KIRREL3: variants seen among roughly 807,000 people sequenced by gnomAD.
KIRREL3 encodes kin of IRRE-like protein 3.
A neutral mutation model predicts 89.7 loss-of-function variants in KIRREL3; 36 were observed. The observed-to-expected ratio is 0.40, with a 90% CI of 0.31 to 0.53. KIRREL3 has a LOEUF of 0.53. Ranked by LOEUF, KIRREL3 falls within the 20% of genes least tolerant of loss-of-function variation. The pLI is 0.49. For missense variants in KIRREL3, 864 were observed against 1,056.6 expected (o/e 0.82, Z 2.53); for synonymous variants, 445 against 441.4 (o/e 1.01, Z -0.10).
intron 1 of KIRREL3, among the ~76,000 whole-genome samples, chr11:126,880,097 T>C (rs1945440728): frequency 6.6e-6 from 1 of 152,202 alleles, no homozygotes; most frequent in Admixed American, 6.5e-5. Flanking sequence ...GATTAGCCAA[T>C]ACAGATGTGC....
chr11:126,775,413 T>C (rs1950142887), intron 1 of KIRREL3, among the ~76,000 whole-genome samples: 1 of 152,170 alleles, frequency 6.6e-6, no homozygotes, highest in African/African-American at 2.4e-5. Flanking sequence ...GGCTGGTAAC[T>C]CCTTGAAGGG....
intron 7 of KIRREL3, among the ~76,000 whole-genome samples, chr11:126,450,932 TGTGTGTGGGCGTGTGTGC>T (rs1565463109): frequency 6.7e-6 from 1 of 150,014 alleles, no homozygotes. Flanking sequence ...CATGTGTGCA[TGTGTGTGGGCGTGTGTGC>T]ATGTGTGAGC....
At chr11:126,499,167 A>AAT (rs57562072) in intron 4 of KIRREL3, among the ~76,000 whole-genome samples, 51 of 150,452 alleles carry the variant, frequency 3.4e-4, no homozygotes, top group Non-Finnish European at 6.8e-4. Flanking sequence ...AAAAAAAAAA[A>AAT]GCTGTGCGTT....
chr11:126,937,244 C>T (rs1948226881), intron 1 of KIRREL3: 3 of 152,202 alleles, frequency 2.0e-5, no homozygotes, highest in Admixed American at 2.0e-4. Context: ...CTTCCAAATG[C>T]CTCCCATTTA....
rs539516612 is a variant in KIRREL3 at position 126,986,156 on chromosome 11, C to T, written c.55+14299G>A. Among the ~76,000 whole-genome samples, 5 of 152,178 alleles carry T rather than the reference C, an allele frequency of 3.3e-5. No individual in the cohort carries two copies. The South Asian group carries it at 1.0e-3, about 32-fold the overall frequency. On this transcript the variant is annotated intron_variant, in intron 1 of 16. Transcript: ENST00000525144. ...CTTTAAATCTGTGGCTGGCTCCCCC[C>T]AAGCCCCTCTTGGTTGCTGGGTTCA... is the stretch of plus-strand genomic sequence containing the variant.
chr11:126,481,893 A>G (rs1202181969), intron 4 of KIRREL3, among the ~76,000 whole-genome samples: 1 of 152,170 alleles, frequency 6.6e-6, no homozygotes, highest in Non-Finnish European at 1.5e-5. Context: ...CCTCATTGCC[A>G]TCTAAATAGT....
intron 9 of KIRREL3, among the ~76,000 whole-genome samples, chr11:126,446,300 TTCTC>T (rs1252243152): frequency 1.3e-5 from 2 of 148,680 alleles, no homozygotes; most frequent in East Asian, 2.2e-4. Context: ...CTTTCTTTCT[TTCTC>T]TCTCTCTCTT....
intron 1 of KIRREL3, among the ~76,000 whole-genome samples, chr11:126,631,042 T>C (rs573628581): frequency 1.3e-5 from 2 of 152,312 alleles, no homozygotes; most frequent in East Asian, 1.9e-4. Flanking sequence ...GAAACCAATC[T>C]TTCTTCTCAT....
In KIRREL3 at chr11:126,520,552, G is replaced by A. The variant is rs1390405292; in HGVS notation, c.433+763C>T. 1.3e-5 allele frequency among the ~76,000 whole-genome samples: 2 copies of A among 152,182 alleles called. No homozygotes were observed. Among genetic ancestry groups the A allele is most frequent in the South Asian group, 2.1e-4 (1 of 4,828 alleles). On this transcript the variant is annotated intron_variant, in intron 4 of 16. Coordinates refer to ENST00000525144, the MANE Select transcript of KIRREL3 (RefSeq NM_032531.4). The surrounding 1 kb of genome is among the most constrained non-coding windows in gnomAD (Gnocchi z 4.9). ...TCTCATGACTTATGTGCAAGGCCTG[G>A]TTCTCAGCAGCCTTGATCCTCGGTA...
Position 126,485,169 on chromosome 11 carries a change from T to C in KIRREL3, c.434-11703A>G, listed in dbSNP as rs941545956. ...GCATCCGATATATTTGGCAGCACAA[T>C]CGCACAGACGTGTCTCCAAGGAGGT... is the stretch of plus-strand genomic sequence containing the variant. On this transcript the variant is annotated intron_variant, in intron 4 of 16. Coordinates refer to ENST00000525144, the MANE Select transcript of KIRREL3 (RefSeq NM_032531.4). The surrounding 1 kb of genome is among the most constrained non-coding windows in gnomAD (Gnocchi z 5.8). 1.3e-5 allele frequency among the ~76,000 whole-genome samples: 2 copies of C among 152,118 alleles called. No individual in the cohort carries two copies. Among genetic ancestry groups the C allele is most frequent in the East Asian group, 3.9e-4 (2 of 5,180 alleles).
intron 1 of KIRREL3, among the ~76,000 whole-genome samples, chr11:126,921,580 TTCTATCTATCTATCTATCTATCTA>T (rs201891981): frequency 3.1e-5 from 1 of 32,490 alleles, no homozygotes; most frequent in Non-Finnish European, 6.1e-5. Flanking sequence ...TATATCTGTC[TTCTATCTATCTATCTATCTATCTA>T]TCTATCTATC....
chr11:126,729,796 C>T lies in KIRREL3; in HGVS notation c.56-166884G>A, dbSNP rs559859789. On this transcript the variant is annotated intron_variant, in intron 1 of 16. Coordinates refer to ENST00000525144, the MANE Select transcript of KIRREL3 (RefSeq NM_032531.4). The surrounding 1 kb of genome is among the most constrained non-coding windows in gnomAD (Gnocchi z 4.5). Reference sequence around the variant, plus strand: ...GTCCAGAAGCACAATGGAGGGAGCCCCTGATCATAATCACTAAGAGCACAC... The same window carrying T: ...GTCCAGAAGCACAATGGAGGGAGCCTCTGATCATAATCACTAAGAGCACAC... Among the ~76,000 whole-genome samples the T allele has an allele frequency of 3.3e-5, 5 of 152,240 alleles. No homozygotes were observed. The highest frequency in any genetic ancestry group is 1.2e-4 in the African/African-American group (5 of 41,518).
chr11:126,503,674 A>C (rs1229268715), intron 4 of KIRREL3, among the ~76,000 whole-genome samples: 1 of 152,066 alleles, frequency 6.6e-6, no homozygotes, highest in Non-Finnish European at 1.5e-5. Flanking sequence ...TGTGGGAGGT[A>C]ATTAGGGTTA....
intron 1 of KIRREL3, among the ~76,000 whole-genome samples, chr11:126,865,086 C>A (rs552002778): frequency 6.6e-6 from 1 of 152,180 alleles, no homozygotes. Flanking sequence ...GGAATCAAGG[C>A]GCCTCCAGCT....
rs1427807090 is a variant in KIRREL3 at position 126,474,203 on chromosome 11, G to T, written c.434-737C>A. On this transcript the variant is annotated intron_variant, in intron 4 of 16. Transcript: ENST00000525144. The surrounding 1 kb of genome is among the most constrained non-coding windows in gnomAD (Gnocchi z 6.7). ...ACCTCAGGTAATCCACCCGCCTCAGGCTCCCAAAGTGCTGGGATTACAGGC... is the reference window on the plus strand; with the variant it reads ...ACCTCAGGTAATCCACCCGCCTCAGTCTCCCAAAGTGCTGGGATTACAGGC... Among the ~76,000 whole-genome samples, 1 of 152,120 alleles carries T rather than the reference G, an allele frequency of 6.6e-6. No individual in the cohort carries two copies. The highest frequency in any genetic ancestry group is 2.4e-5 in the African/African-American group (1 of 41,430).
Position 126,656,788 on chromosome 11 carries a change from A to C in KIRREL3, c.56-93876T>G, listed in dbSNP as rs1945157911. Among the ~76,000 whole-genome samples, 1 of 152,214 alleles carries C rather than the reference A, an allele frequency of 6.6e-6. No homozygotes were observed. The highest frequency in any genetic ancestry group is 1.5e-5 in the Non-Finnish European group (1 of 68,034). ...TGAAACTGGCTAGGCGTGGTGGCTC[A>C]TGCCTGTGGTCCCAGCACTTTGGGA... On this transcript the variant is annotated intron_variant, in intron 1 of 16. Transcript: ENST00000525144. This position sits in a 1 kb window ranked among gnomAD's most constrained non-coding sequence, Gnocchi z 4.0.
At chr11:126,665,603 C>A (rs946214487) in intron 1 of KIRREL3, among the ~76,000 whole-genome samples, 2 of 152,160 alleles carry the variant, frequency 1.3e-5, no homozygotes, top group Non-Finnish European at 2.9e-5. Context: ...AAGAAGGTGC[C>A]ATCCATGAAC....
Position 126,939,246 on chromosome 11 carries a change from G to C in KIRREL3, c.55+61209C>G, listed in dbSNP as rs542627181. Among the ~76,000 whole-genome samples, 5 of 152,324 alleles carry C rather than the reference G, an allele frequency of 3.3e-5. No individual in the cohort carries two copies. In the South Asian group the frequency reaches 1.0e-3, roughly 32 times the overall value. ...TCACCAGAAGCAATCTCTCCCTTCT[G>C]AGATGGGCAACATCATCTATCTCCA... On this transcript the variant is annotated intron_variant, in intron 1 of 16. Coordinates refer to ENST00000525144, the MANE Select transcript of KIRREL3 (RefSeq NM_032531.4).
chr11:126,968,075 A>G (rs1384561062), intron 1 of KIRREL3, among the ~76,000 whole-genome samples: 1 of 152,196 alleles, frequency 6.6e-6, no homozygotes, highest in Non-Finnish European at 1.5e-5. Context: ...ACTTTGGGAT[A>G]CTCAGAAAAA....
Sources: gnomAD v4.1 joint callset for allele counts (sites outside exome capture counted in the v4.1 genomes callset) on GRCh38, gnomAD v4.1.1 for gene constraint, Gnocchi (gnomAD v3.1) non-coding constraint, MANE v1.5 for transcripts, NCBI Gene and HGNC (gene_info 2026-07-23, HGNC 2026-07-21) for gene names.